The following DIAPH3 variants were observed in gnomAD, a reference collection of about 807,000 sequenced individuals.
The protein encoded by DIAPH3 is diaphanous related formin 3, also known as protein diaphanous homolog 3.
DIAPH3 carries 117 observed loss-of-function variants against 144.3 expected under a neutral mutation model. That is an observed-to-expected ratio of 0.81 (90% confidence interval 0.70 to 0.95). DIAPH3 has a LOEUF of 0.95. DIAPH3 is among the 40% of genes least tolerant of loss of function. The pLI is 0.00. For missense variants in DIAPH3, 1,421 were observed against 1,412.7 expected, an observed-to-expected ratio of 1.01 and a Z score of -0.09; for synonymous variants, 519 against 488.9, an observed-to-expected ratio of 1.06 and a Z score of -0.81.
intron 24 of DIAPH3, among the ~76,000 whole-genome samples, chr13:59,814,052 G>C (rs942303979): frequency 6.6e-6 from 1 of 151,972 alleles, no homozygotes; most frequent in African/African-American, 2.4e-5. Flanking sequence ...TCTATTTCTT[G>C]CTTGAGAGAA....
At chr13:59,889,658 T>C (rs1593848278) in intron 20 of DIAPH3, among the ~76,000 whole-genome samples, 3 of 152,240 alleles carry the variant, frequency 2.0e-5, no homozygotes, top group South Asian at 4.1e-4. Flanking sequence ...CTTTAATTTT[T>C]AATTCAATAT....
intron 2 of DIAPH3, among the ~76,000 whole-genome samples, chr13:60,128,324 G>T (rs1296641541): frequency 6.6e-6 from 1 of 152,126 alleles, no homozygotes; most frequent in Non-Finnish European, 1.5e-5. Flanking sequence ...TGGGCATTTA[G>T]ATTGATTCCA....
chr13:59,893,592 C>T (rs1380261597), intron 20 of DIAPH3, among the ~76,000 whole-genome samples: 2 of 151,896 alleles, frequency 1.3e-5, no homozygotes, highest in East Asian at 3.9e-4. Context: ...TCTTTAAAAG[C>T]AGACATAACC....
At chr13:59,913,696 C>T (rs1352382013) in intron 19 of DIAPH3, among the ~76,000 whole-genome samples, 15 of 152,122 alleles carry the variant, frequency 9.9e-5, no homozygotes, top group African/African-American at 3.4e-4. Flanking sequence ...TGGTGGCTCA[C>T]GCCTTTAATC....
chr13:60,089,335 T>A (rs1192046644), intron 4 of DIAPH3, among the ~76,000 whole-genome samples: 3 of 152,220 alleles, frequency 2.0e-5, no homozygotes, highest in Non-Finnish European at 4.4e-5. Flanking sequence ...TCTGATGGAG[T>A]ACTTTAAGCA....
rs375811307 is a variant in DIAPH3 at position 60,117,619 on chromosome 13, TA to T, written c.214-5434del. 3.9e-4 allele frequency among the ~76,000 whole-genome samples: 59 copies of T among 152,216 alleles called. No individual in the cohort carries two copies. In the East Asian group the frequency reaches 0.011, roughly 28 times the overall value. ...TACTATCAAATCATTTTACATGTTA[TA>T]AAAGAAGTTTCATTTTTTAAAAGAG... is the stretch of plus-strand genomic sequence containing the variant. On this transcript the variant is annotated intron_variant, in intron 2 of 27. Transcript: ENST00000400324.
At chr13:59,850,669 C>T (rs2042912618) in intron 22 of DIAPH3, among the ~76,000 whole-genome samples, 1 of 151,968 alleles carries the variant, frequency 6.6e-6, no homozygotes, top group South Asian at 2.1e-4. Context: ...AGGGATGAAG[C>T]CCACTTGATC....
chr13:59,981,185 C>T (rs988201933), intron 13 of DIAPH3, among the ~76,000 whole-genome samples: 1 of 150,710 alleles, frequency 6.6e-6, no homozygotes, highest in South Asian at 2.1e-4. Flanking sequence ...TGTCTATAAA[C>T]AAGCTTAAAA....
In DIAPH3 at chr13:59,971,178, A is replaced by G. The variant is rs780389078; in HGVS notation, c.1651-18T>C. The G allele has an allele frequency of 5.8e-6, 9 of 1,554,680 alleles. No homozygotes were observed. Among genetic ancestry groups the G allele is most frequent in the East Asian group, 4.8e-5 (2 of 41,424 alleles). Reference sequence around the variant, plus strand: ...GCACCAAACTGGAGAAAAAAACAATAAGAGACATAACTAAGAACATATCTA... The same window carrying G: ...GCACCAAACTGGAGAAAAAAACAATGAGAGACATAACTAAGAACATATCTA... On this transcript the variant is annotated intron_variant, in intron 15 of 27. Coordinates refer to ENST00000400324, the MANE Select transcript of DIAPH3 (RefSeq NM_001042517.2).
intron 17 of DIAPH3, among the ~76,000 whole-genome samples, chr13:59,959,717 AG>A (rs1360269549): frequency 6.6e-6 from 1 of 152,230 alleles, no homozygotes; most frequent in Non-Finnish European, 1.5e-5. Context: ...CAGAGCATCA[AG>A]AACATGGTCC....
At chr13:59,813,713 G>A (rs1375468730) in intron 24 of DIAPH3, among the ~76,000 whole-genome samples, 3 of 151,970 alleles carry the variant, frequency 2.0e-5, no homozygotes, top group Non-Finnish European at 4.4e-5. Context: ...AATTAGCTGG[G>A]TGTGGTGGCA....
Position 59,833,249 on chromosome 13 carries a change from T to A in DIAPH3, c.2885A>T (p.Glu962Val). The change falls in exon 24 of 28, where the codon GAA becomes GTA. Residue 962 changes from glutamate to valine, a missense_variant. Physicochemically the swap from Glu to Val is moderately radical, Grantham distance 121. Transcript: ENST00000400324. ...KMSRFVISAK[E>V]QYETLSKLHE... ...TAACTTCGAAAGTGTCTCATATTGT[T>A]CTTTTGCACTGATAACAAATCTGTA... The A allele has an allele frequency of 6.2e-7, 1 of 1,608,712 alleles. No homozygotes were observed. Among genetic ancestry groups the A allele is most frequent in the Non-Finnish European group, 8.5e-7 (1 of 1,176,762 alleles).
At chr13:59,869,117 G>A (rs2044105390) in intron 21 of DIAPH3, among the ~76,000 whole-genome samples, 1 of 152,124 alleles carries the variant, frequency 6.6e-6, no homozygotes, top group Admixed American at 6.6e-5. Flanking sequence ...TCTACGTGTA[G>A]CTTTGTAATT....
intron 4 of DIAPH3, among the ~76,000 whole-genome samples, chr13:60,055,633 T>C (rs577057423): frequency 1.5e-4 from 23 of 151,798 alleles, no homozygotes; most frequent in African/African-American, 5.1e-4. Flanking sequence ...AAAGACAATA[T>C]CTCTATGAGC....
chr13:59,666,820 CT>C lies in DIAPH3; in HGVS notation c.3345del (p.Ser1117HisfsTer24). On this transcript the variant is annotated frameshift_variant, in exon 28 of 28. Transcript: ENST00000400324. LOFTEE classifies it high-confidence loss of function. The stretch of plus-strand genomic sequence containing the variant: ...TTGATATTGTAGTGTGAACGTGACC[CT>C]TCTGTCAACTGCACTTTCTGATTTT... ...NHENQKVQLT[E>X]GSRSHYNINC... is the part of the protein sequence containing the mutation. 1 of 1,614,106 alleles carries C rather than the reference CT, an allele frequency of 6.2e-7. No individual in the cohort carries two copies. Among genetic ancestry groups the C allele is most frequent in the East Asian group, 2.2e-5 (1 of 44,872 alleles).
chr13:59,696,401 G>T (rs2033803149), intron 27 of DIAPH3, among the ~76,000 whole-genome samples: 1 of 152,174 alleles, frequency 6.6e-6, no homozygotes, highest in South Asian at 2.1e-4. Context: ...GTTATTTCTT[G>T]GAGACAATGC....
intron 23 of DIAPH3, chr13:59,837,556 A>T (rs1158190073): frequency 6.5e-6 from 1 of 154,342 alleles, no homozygotes; most frequent in Non-Finnish European, 1.5e-5. Flanking sequence ...ACTGCTTTAT[A>T]TCTATAGGGA....
At chr13:60,091,905 T>A (rs537805525) in intron 4 of DIAPH3, among the ~76,000 whole-genome samples, 17 of 151,594 alleles carry the variant, frequency 1.1e-4, no homozygotes, top group Middle Eastern at 3.4e-3. Context: ...TACAGTGATG[T>A]GATCGAAGTT....
At chr13:59,983,670 C>G in intron 13 of DIAPH3, 99 bp downstream of exon 13, 2 of 785,370 alleles carry the variant, frequency 2.5e-6, no homozygotes, top group South Asian at 3.1e-5. Flanking sequence ...AATTAGGGCC[C>G]TCAGGAGTCC....
Sources: gnomAD v4.1 joint callset for allele counts (sites outside exome capture counted in the v4.1 genomes callset) on GRCh38, gnomAD v4.1.1 for gene constraint, MANE v1.5 for transcripts, NCBI Gene and HGNC (gene_info 2026-07-23, HGNC 2026-07-21) for gene names.